PDZD2: variants seen among roughly 807,000 people sequenced by gnomAD.
PDZD2 encodes the protein PDZ domain containing 2.
In PDZD2, 90 loss-of-function variants were observed where a neutral mutation model predicts 220.7. The observed-to-expected ratio is 0.41, with a 90% confidence interval of 0.34 to 0.49. The LOEUF is 0.49. Among genes scored for constraint, PDZD2 ranks in the 20% least tolerant of loss-of-function variants. The pLI, the probability that PDZD2 is intolerant of heterozygous loss-of-function variation, is 0.28. For missense variants in PDZD2, 3,174 were observed against 3,608.5 expected (o/e 0.88, Z 3.08); for synonymous variants, 1,375 against 1,450.5 (o/e 0.95, Z 1.18).
intron 1 of PDZD2, among the ~76,000 whole-genome samples, chr5:31,662,779 A>G (rs370680225): frequency 0.013 from 2,010 of 152,252 alleles, 42 homozygotes; most frequent in African/African-American, 0.039. Flanking sequence ...ACAGGCGCCC[A>G]CCACCACGCC....
intron 2 of PDZD2, among the ~76,000 whole-genome samples, chr5:31,980,494 T>C (rs762836846): frequency 1.3e-5 from 2 of 152,240 alleles, no homozygotes; most frequent in Non-Finnish European, 2.9e-5. Flanking sequence ...ATTGTTTTAA[T>C]GTTAGGTCAA....
At chr5:31,986,810 A>G (rs1750760844) in intron 3 of PDZD2, among the ~76,000 whole-genome samples, 1 of 152,184 alleles carries the variant, frequency 6.6e-6, no homozygotes, top group Non-Finnish European at 1.5e-5. Flanking sequence ...TTTGTCAGGT[A>G]CTTCTTTTTC....
intron 2 of PDZD2, among the ~76,000 whole-genome samples, chr5:31,831,135 A>G (rs183236557): frequency 2.3e-4 from 35 of 152,374 alleles, no homozygotes; most frequent in African/African-American, 7.5e-4. Context: ...GACATTTGAA[A>G]GTAATTGCTT....
At chr5:32,025,174 G>T (rs975078494) in intron 6 of PDZD2, among the ~76,000 whole-genome samples, 18 of 152,222 alleles carry the variant, frequency 1.2e-4, no homozygotes, top group Admixed American at 1.0e-3. Context: ...AAGCAGCAAG[G>T]AGCTCATATT....
intron 2 of PDZD2, among the ~76,000 whole-genome samples, chr5:31,972,042 A>C (rs1384982299): frequency 6.6e-6 from 1 of 152,170 alleles, no homozygotes; most frequent in Admixed American, 6.5e-5. Context: ...TATTCTTCCC[A>C]GTGGGGCTAC....
intron 6 of PDZD2, 79 bp from the exon 7 acceptor site, chr5:32,037,152 G>C: frequency 1.2e-6 from 1 of 863,174 alleles, no homozygotes; most frequent in Non-Finnish European, 1.9e-6. Context: ...TGAGCCTTGA[G>C]ATAACATTGT....
intron 1 of PDZD2, among the ~76,000 whole-genome samples, chr5:31,740,287 G>C (rs1056420047): frequency 6.6e-6 from 1 of 151,720 alleles, no homozygotes; most frequent in Admixed American, 6.6e-5. Context: ...TTGGGAGGCC[G>C]AGGCGGGCAG....
chr5:31,728,596 T>G (rs938558996), intron 1 of PDZD2, among the ~76,000 whole-genome samples: 1 of 152,186 alleles, frequency 6.6e-6, no homozygotes, highest in Non-Finnish European at 1.5e-5. Context: ...ATAGCTTTGA[T>G]CTAGCCTAGG....
At chr5:32,043,377 G>A (rs562851640) in intron 7 of PDZD2, among the ~76,000 whole-genome samples, 21 of 152,334 alleles carry the variant, frequency 1.4e-4, no homozygotes, top group African/African-American at 4.6e-4. Context: ...GAACAGGGTC[G>A]GTTCCCACAT....
At chr5:31,846,276 G>T (rs1757584277) in intron 2 of PDZD2, among the ~76,000 whole-genome samples, 1 of 152,202 alleles carries the variant, frequency 6.6e-6, no homozygotes. Context: ...TGGGATTACA[G>T]GCGTGCACCA....
intron 1 of PDZD2, among the ~76,000 whole-genome samples, chr5:31,783,274 G>C (rs1056100355): frequency 2.0e-5 from 3 of 151,130 alleles, no homozygotes; most frequent in Non-Finnish European, 4.4e-5. Context: ...TTTTTTTTCT[G>C]GTCTTAAGAC....
At chr5:31,782,998 G>A (rs1046534132) in intron 1 of PDZD2, among the ~76,000 whole-genome samples, 5 of 152,134 alleles carry the variant, frequency 3.3e-5, no homozygotes, top group African/African-American at 9.7e-5. Context: ...ACAGGCGTGA[G>A]CCACCGTGCC....
At chr5:31,817,185 C>CAG (rs1755517962) in intron 2 of PDZD2, among the ~76,000 whole-genome samples, 1 of 95,744 alleles carries the variant, frequency 1.0e-5, no homozygotes. Context: ...GACTCCGTCT[C>CAG]AAAAAAAAAA....
intron 6 of PDZD2, among the ~76,000 whole-genome samples, chr5:32,015,261 A>G (rs1753701665): frequency 6.6e-6 from 1 of 151,342 alleles, no homozygotes; most frequent in Non-Finnish European, 1.5e-5. Context: ...CTTTTTTTCT[A>G]GAGACAGGGT....
At chr5:31,995,374 C>G (rs1751545261) in intron 3 of PDZD2, among the ~76,000 whole-genome samples, 1 of 152,200 alleles carries the variant, frequency 6.6e-6, no homozygotes, top group Non-Finnish European at 1.5e-5. Flanking sequence ...TAGAACATTT[C>G]CATGATCACA....
intron 2 of PDZD2, among the ~76,000 whole-genome samples, chr5:31,856,308 C>A (rs547412816): frequency 1.3e-5 from 2 of 152,130 alleles, no homozygotes; most frequent in Admixed American, 1.3e-4. Flanking sequence ...TTCAGTCAAA[C>A]CCAAGGCCCC....
chr5:31,706,816 C>T (rs1426785446), intron 1 of PDZD2, among the ~76,000 whole-genome samples: 1 of 147,418 alleles, frequency 6.8e-6, no homozygotes, highest in Non-Finnish European at 1.5e-5. Context: ...TGCACTCCAG[C>T]CTGGCAACAG....
chr5:31,819,488 C>G (rs1755686003), intron 2 of PDZD2, among the ~76,000 whole-genome samples: 1 of 151,928 alleles, frequency 6.6e-6, no homozygotes, highest in Non-Finnish European at 1.5e-5. Context: ...AAAACCCCGT[C>G]TCTACTAAAA....
intron 17 of PDZD2, among the ~76,000 whole-genome samples, chr5:32,073,116 A>C (rs149251092): frequency 1.0e-3 from 155 of 152,166 alleles, no homozygotes; most frequent in Non-Finnish European, 1.9e-3. Flanking sequence ...TCTGCTGGTG[A>C]GGTTTCCTCT....
Sources: allele counts gnomAD v4.1 joint callset (sites outside exome capture counted in the v4.1 genomes callset), GRCh38; gene constraint gnomAD v4.1.1; transcripts MANE v1.5; gene names NCBI Gene and HGNC (gene_info 2026-07-23, HGNC 2026-07-21).